EPHA6: variants seen among roughly 807,000 people sequenced by gnomAD.
EPHA6 encodes EPH receptor A6, also known as ephrin type-A receptor 6.
In EPHA6, 50 loss-of-function variants were observed where a neutral mutation model predicts 112.0. The observed-to-expected ratio is 0.45, with a 90% CI of 0.36 to 0.56. The LOEUF is 0.56. Ranked by LOEUF, EPHA6 falls within the 20% of genes least tolerant of loss-of-function variation. The pLI is 0.00. For synonymous variants in EPHA6, 529 were observed against 490.7 expected (o/e 1.08, Z -1.03); for missense variants, 1,280 against 1,417.4 (o/e 0.90, Z 1.56).
intron 2 of EPHA6, among the ~76,000 whole-genome samples, chr3:96,947,418 C>A (rs1055489787): frequency 6.6e-6 from 1 of 152,136 alleles, no homozygotes; most frequent in Non-Finnish European, 1.5e-5. Flanking sequence ...GTTTTCCCAG[C>A]ACCATTTATT....
At chr3:97,241,414 G>T (rs2078842312) in intron 4 of EPHA6, among the ~76,000 whole-genome samples, 1 of 151,794 alleles carries the variant, frequency 6.6e-6, no homozygotes, top group African/African-American at 2.4e-5. Flanking sequence ...ATACCTGGGA[G>T]TTTTCAATAC....
At chr3:97,712,084 T>C (rs995113607) in intron 14 of EPHA6, among the ~76,000 whole-genome samples, 1 of 152,244 alleles carries the variant, frequency 6.6e-6, no homozygotes, top group African/African-American at 2.4e-5. Context: ...ATATTAACAA[T>C]TGCCAATGGC....
At chr3:97,724,736 G>A (rs2107808470) in intron 15 of EPHA6, among the ~76,000 whole-genome samples, 1 of 152,100 alleles carries the variant, frequency 6.6e-6, no homozygotes, top group Non-Finnish European at 1.5e-5. Context: ...TGGTGACAGA[G>A]TGAAGTCCGG....
At chr3:97,357,485 A>G (rs575596406) in intron 5 of EPHA6, among the ~76,000 whole-genome samples, 1 of 152,288 alleles carries the variant, frequency 6.6e-6, no homozygotes, top group African/African-American at 2.4e-5. Flanking sequence ...TACAGGCATG[A>G]GCCACTGTGC....
chr3:97,284,056 C>G (rs1210406882), intron 5 of EPHA6, among the ~76,000 whole-genome samples: 1 of 152,016 alleles, frequency 6.6e-6, no homozygotes, highest in East Asian at 1.9e-4. Flanking sequence ...TTACCTTTTG[C>G]TTAACTCAAT....
At chr3:97,158,747 A>T (rs188491024) in intron 3 of EPHA6, among the ~76,000 whole-genome samples, 38 of 152,326 alleles carry the variant, frequency 2.5e-4, no homozygotes, top group Admixed American at 2.4e-3. Flanking sequence ...TGCATTTTAC[A>T]TAAGATAACA....
At chr3:97,407,081 G>T (rs1157247334) in intron 6 of EPHA6, among the ~76,000 whole-genome samples, 1 of 151,986 alleles carries the variant, frequency 6.6e-6, no homozygotes, top group Non-Finnish European at 1.5e-5. Flanking sequence ...TGATATGTTT[G>T]AGGATGAAAA....
intron 8 of EPHA6, among the ~76,000 whole-genome samples, chr3:97,478,579 C>CA (rs2091441683): frequency 2.1e-5 from 3 of 144,784 alleles, no homozygotes; most frequent in African/African-American, 8.3e-5. Flanking sequence ...ATTTCAATTA[C>CA]ATAAAATAGA....
intron 1 of EPHA6, among the ~76,000 whole-genome samples, chr3:96,834,589 G>C (rs1242860163): frequency 1.3e-5 from 2 of 151,968 alleles, no homozygotes; most frequent in Non-Finnish European, 2.9e-5. Flanking sequence ...TCTAAGAAGT[G>C]ATTAAAAATG....
rs373455152 is a variant in EPHA6, at chr3:97,532,461, A to G, written c.2304A>G (p.Arg768=). 1.5e-5 allele frequency: 24 copies of G among 1,612,496 alleles called. No homozygotes were observed. In the African/African-American group the frequency reaches 2.8e-4, roughly 19 times the overall value. ...AAGGTGGCCACATGGATCGGCAAAG[A>G]AGAGATTTTCTAAGAGAAGCTAGTA... The part of the protein sequence containing the change: ...TLKGGHMDRQ[R]RDFLREASIM... The change falls in exon 11 of 18, where the codon AGA becomes AGG. Residue 768 remains arginine (R), a synonymous_variant. Transcript: ENST00000389672.
At chr3:97,377,443 A>T (rs1559936807) in intron 5 of EPHA6, among the ~76,000 whole-genome samples, 2 of 152,140 alleles carry the variant, frequency 1.3e-5, no homozygotes, top group African/African-American at 2.4e-5. Flanking sequence ...CACCAGACTA[A>T]TACAGTAAAT....
intron 7 of EPHA6, among the ~76,000 whole-genome samples, chr3:97,468,424 A>G (rs2091127021): frequency 6.7e-6 from 1 of 148,752 alleles, no homozygotes; most frequent in African/African-American, 2.5e-5. Context: ...AAAAAAAATG[A>G]CCCACATTAT....
chr3:97,237,043 G>A (rs998948550), intron 4 of EPHA6, among the ~76,000 whole-genome samples: 5 of 151,734 alleles, frequency 3.3e-5, no homozygotes, highest in African/African-American at 1.2e-4. Context: ...TGGCCCTCTT[G>A]CTTTTCCATC....
At chr3:97,280,276 T>C (rs1445269426) in intron 5 of EPHA6, among the ~76,000 whole-genome samples, 1 of 152,268 alleles carries the variant, frequency 6.6e-6, no homozygotes, top group Non-Finnish European at 1.5e-5. Context: ...TAAGGATTGA[T>C]AATAGTGTTC....
At chr3:97,481,415 C>T (rs961485194) in intron 9 of EPHA6, 6 of 1,430,664 alleles carry the variant, frequency 4.2e-6, no homozygotes, top group African/African-American at 2.8e-5. Context: ...TTTATCTGTT[C>T]GCCTTTCTCC....
intron 14 of EPHA6, among the ~76,000 whole-genome samples, chr3:97,645,108 G>T (rs186448949): frequency 1.3e-5 from 2 of 152,030 alleles, no homozygotes; most frequent in African/African-American, 2.4e-5. Flanking sequence ...TCAATGTGGC[G>T]ATTCCTCAGG....
intron 14 of EPHA6, among the ~76,000 whole-genome samples, chr3:97,653,333 C>T (rs2094118872): frequency 6.6e-6 from 1 of 151,748 alleles, no homozygotes; most frequent in African/African-American, 2.4e-5. Context: ...CCTGGTTAAA[C>T]ATGGGCAAAA....
chr3:97,559,325 C>T lies in EPHA6; in HGVS notation c.2386+26782C>T, dbSNP rs184441660. The stretch of plus-strand genomic sequence containing the variant: ...GCATATGAATTGGCATTGATAATAA[C>T]AGGAGAGAACTCTAGAGATTTTGGT... On this transcript the variant is annotated intron_variant, in intron 11 of 17. Transcript: ENST00000389672. 4.0e-4 allele frequency among the ~76,000 whole-genome samples: 61 copies of T among 152,050 alleles called. 1 individual carries two copies. The East Asian group carries it at 6.8e-3, about 17-fold the overall frequency.
At chr3:97,516,929 A>T (rs1259656227) in intron 10 of EPHA6, among the ~76,000 whole-genome samples, 1 of 152,052 alleles carries the variant, frequency 6.6e-6, no homozygotes, top group Non-Finnish European at 1.5e-5. Context: ...CATTCATGCA[A>T]CAAATATTAA....
Sources: gnomAD v4.1 joint callset for allele counts (sites outside exome capture counted in the v4.1 genomes callset) on GRCh38, gnomAD v4.1.1 for gene constraint, MANE v1.5 for transcripts, NCBI Gene and HGNC (gene_info 2026-07-23, HGNC 2026-07-21) for gene names.